RBMS3: variants seen among roughly 807,000 people sequenced by gnomAD.
The protein encoded by RBMS3 is RNA-binding motif, single-stranded-interacting protein 3.
Under a neutral mutation model 66.8 loss-of-function variants are expected in RBMS3, and 27 were observed. The ratio of observed to expected loss-of-function variants is 0.40; its 90% CI spans 0.30 to 0.56. The LOEUF (loss-of-function observed/expected upper bound fraction) is 0.56, where lower values mean the gene tolerates loss of function less well. RBMS3 is among the 20% of genes least tolerant of loss of function. The pLI, the probability that RBMS3 is intolerant of heterozygous loss-of-function variation, is 0.40. For missense variants in RBMS3, 513 were observed against 549.5 expected (o/e 0.93, Z 0.66); for synonymous variants, 188 against 183.0 (o/e 1.03, Z -0.22).
intron 6 of RBMS3, among the ~76,000 whole-genome samples, chr3:29,848,618 A>C (rs2149515297): frequency 6.6e-6 from 1 of 152,360 alleles, no homozygotes. Context: ...GACAATATGG[A>C]CAAACCATGA....
intron 4 of RBMS3, among the ~76,000 whole-genome samples, chr3:29,724,067 G>A (rs2053755074): frequency 6.6e-6 from 1 of 150,650 alleles, no homozygotes; most frequent in South Asian, 2.1e-4. Context: ...ATTAATCTTT[G>A]TCGCTCACAA....
intron 6 of RBMS3, among the ~76,000 whole-genome samples, chr3:29,838,721 C>T (rs1250011781): frequency 1.3e-5 from 2 of 152,060 alleles, no homozygotes; most frequent in Non-Finnish European, 2.9e-5. Flanking sequence ...ATTAATCTTT[C>T]TTTTATGCAG....
At chr3:29,495,541 G>A (rs147890954) in intron 3 of RBMS3, among the ~76,000 whole-genome samples, 2,851 of 149,038 alleles carry the variant, frequency 0.019, 86 homozygotes, top group African/African-American at 0.067. Flanking sequence ...TCAGCCTCCC[G>A]AGTAGCTGGG....
intron 6 of RBMS3, among the ~76,000 whole-genome samples, chr3:29,830,948 A>C (rs2058355316): frequency 6.6e-6 from 1 of 152,102 alleles, no homozygotes; most frequent in South Asian, 2.1e-4. Context: ...TCCTTCCTTA[A>C]AGAAGGGATA....
At chr3:29,833,808 G>A (rs1172240918) in intron 6 of RBMS3, among the ~76,000 whole-genome samples, 2 of 151,976 alleles carry the variant, frequency 1.3e-5, no homozygotes, top group Non-Finnish European at 2.9e-5. Context: ...GGCGAGAGAT[G>A]TGAACATCCA....
chr3:29,491,363 T>C (rs772830735), intron 3 of RBMS3, among the ~76,000 whole-genome samples: 2 of 152,190 alleles, frequency 1.3e-5, no homozygotes, highest in Non-Finnish European at 2.9e-5. Flanking sequence ...CAAAGTGGGA[T>C]GTGTGAAGGG....
chr3:29,555,041 C>T (rs2046304606), intron 3 of RBMS3, among the ~76,000 whole-genome samples: 1 of 152,092 alleles, frequency 6.6e-6, no homozygotes, highest in African/African-American at 2.4e-5. Flanking sequence ...ATTTTTTGTT[C>T]TTTCCTTCAT....
At position 29,905,184 on chromosome 3, in the gene RBMS3, A is replaced by G. The variant is rs553753112; in HGVS notation, c.939+5429A>G. On this transcript the variant is annotated intron_variant, in intron 10 of 14. Coordinates refer to ENST00000383767, the MANE Select transcript of RBMS3 (RefSeq NM_001003793.3). Reference sequence around the variant, plus strand: ...AGCATCCATAGACAATACATAATGAATGGGTGTGCCTTGAGTTCCAATAAA... The same window carrying G: ...AGCATCCATAGACAATACATAATGAGTGGGTGTGCCTTGAGTTCCAATAAA... Among the ~76,000 whole-genome samples, 16 of 152,130 alleles carry G rather than the reference A, an allele frequency of 1.1e-4. No individual in the cohort carries two copies. The East Asian group carries it at 2.9e-3, about 28-fold the overall frequency.
chr3:29,988,752 G>A (rs1698610138), intron 13 of RBMS3, among the ~76,000 whole-genome samples: 1 of 151,988 alleles, frequency 6.6e-6, no homozygotes, highest in Non-Finnish European at 1.5e-5. Flanking sequence ...GTCAAACAGT[G>A]AGACCCTGTC....
chr3:29,853,342 A>G (rs1332045125), intron 6 of RBMS3, among the ~76,000 whole-genome samples: 1 of 151,952 alleles, frequency 6.6e-6, no homozygotes, highest in Non-Finnish European at 1.5e-5. Context: ...AAAATTGGTA[A>G]CTATGTAATT....
At chr3:29,544,914 G>A (rs1258203469) in intron 3 of RBMS3, among the ~76,000 whole-genome samples, 1 of 152,118 alleles carries the variant, frequency 6.6e-6, no homozygotes, top group African/African-American at 2.4e-5. Flanking sequence ...AGCTGGTTTA[G>A]CCCTTTGGAT....
intron 5 of RBMS3, among the ~76,000 whole-genome samples, chr3:29,752,682 C>G (rs1393011382): frequency 6.6e-6 from 1 of 152,164 alleles, no homozygotes; most frequent in East Asian, 1.9e-4. Context: ...TTATAAGGTT[C>G]TCCATTTGCC....
intron 5 of RBMS3, among the ~76,000 whole-genome samples, chr3:29,753,980 CAG>C (rs981046215): frequency 2.0e-5 from 3 of 148,814 alleles, no homozygotes; most frequent in African/African-American, 7.4e-5. Context: ...TTTTTTGAGA[CAG>C]AGTCTCATTC....
At chr3:29,301,715 T>G (rs1422874782) in intron 1 of RBMS3, among the ~76,000 whole-genome samples, 2 of 152,016 alleles carry the variant, frequency 1.3e-5, no homozygotes, top group Non-Finnish European at 2.9e-5. Flanking sequence ...GTTTCTGAAG[T>G]TGTATTTTAG....
rs796450286 is a variant in RBMS3 at position 29,593,133 on chromosome 3, G to A, written c.399+5928G>A. On this transcript the variant is annotated intron_variant, in intron 4 of 14. Coordinates refer to ENST00000383767, the MANE Select transcript of RBMS3 (RefSeq NM_001003793.3). The stretch of plus-strand genomic sequence containing the variant: ...TACATATGTAACAAACCTGCACGTT[G>A]TGCACATGTACCCTAGAACTTAAAG... Among the ~76,000 whole-genome samples, 16 of 152,150 alleles carry A rather than the reference G, an allele frequency of 1.1e-4. 1 individual carries two copies. The highest frequency in any genetic ancestry group is 3.9e-4 in the African/African-American group (16 of 41,514).
At chr3:29,388,806 C>T (rs954626217) in intron 1 of RBMS3, among the ~76,000 whole-genome samples, 1 of 152,120 alleles carries the variant, frequency 6.6e-6, no homozygotes, top group Admixed American at 6.5e-5. Context: ...CCTCGTGATC[C>T]GCCCGCCTTG....
intron 10 of RBMS3, among the ~76,000 whole-genome samples, chr3:29,935,038 C>T (rs1380361814): frequency 1.3e-5 from 2 of 152,102 alleles, no homozygotes; most frequent in Admixed American, 6.6e-5. Context: ...TTGATCATAA[C>T]TGAGTATTTA....
At chr3:29,532,236 G>GCATA (rs1460254386) in intron 3 of RBMS3, among the ~76,000 whole-genome samples, 172 of 84,838 alleles carry the variant, frequency 2.0e-3, no homozygotes, top group African/African-American at 7.5e-3. Context: ...TTTTAATTTC[G>GCATA]CATATATATG....
intron 10 of RBMS3, among the ~76,000 whole-genome samples, chr3:29,911,853 A>G (rs1005945811): frequency 2.6e-5 from 4 of 152,078 alleles, no homozygotes; most frequent in Non-Finnish European, 4.4e-5. Context: ...ATGCCATCTT[A>G]GACTAGGACA....
Sources: gnomAD v4.1 joint callset for allele counts (sites outside exome capture counted in the v4.1 genomes callset) on GRCh38, gnomAD v4.1.1 for gene constraint, MANE v1.5 for transcripts, NCBI Gene and HGNC (gene_info 2026-07-23, HGNC 2026-07-21) for gene names.